Variants in IL17RB observed in about 807,000 individuals in gnomAD.
IL17RB encodes the protein interleukin-17 receptor B.
A neutral mutation model predicts 43.9 loss-of-function variants in IL17RB; 36 were observed. The observed-to-expected ratio is 0.82, with a 90% confidence interval of 0.63 to 1.08. IL17RB has a LOEUF of 1.08. Among genes scored for constraint, IL17RB ranks in the 50% least tolerant of loss-of-function variants. The pLI, the probability that IL17RB is intolerant of heterozygous loss-of-function variation, is 0.00. For missense variants in IL17RB, 613 were observed against 613.6 expected, an observed-to-expected ratio of 1.00 and a Z score of 0.01; for synonymous variants, 225 against 225.4, an observed-to-expected ratio of 1.00 and a Z score of 0.02.
rs375141109 is a variant in IL17RB at position 53,846,593 on chromosome 3, C to G, written c.5C>G (p.Ser2Trp). 5.7e-6 allele frequency: 9 copies of G among 1,584,412 alleles called. No individual in the cohort carries two copies. The highest frequency in any genetic ancestry group is 6.8e-6 in the Non-Finnish European group (8 of 1,169,976). The change falls in exon 1 of 11, where the codon TCG (serine) becomes TGG (tryptophan). Residue 2 changes from serine to tryptophan, a missense_variant. Ser to Trp is a radical substitution (Grantham distance 177). Coordinates refer to ENST00000288167, the MANE Select transcript of IL17RB (RefSeq NM_018725.4). ...ATCCCGCGCAGTGGCCCGGCGATGT[C>G]GCTCGTGCTGCTAAGCCTGGCCGCG... is the stretch of plus-strand genomic sequence containing the variant. M[S>W]LVLLSLAALC... is the part of the protein sequence containing the mutation.
At chr3:53,856,640 C>A (rs1348198324) in intron 6 of IL17RB, among the ~76,000 whole-genome samples, 2 of 152,162 alleles carry the variant, frequency 1.3e-5, no homozygotes, top group Non-Finnish European at 2.9e-5. Flanking sequence ...AGCAAAGCAG[C>A]GATGTACGGA....
In IL17RB at chr3:53,855,355, G is replaced by A; in HGVS notation, c.529+14G>A. The A allele has an allele frequency of 1.3e-6, 2 of 1,569,686 alleles. No homozygotes were observed. The highest frequency in any genetic ancestry group is 1.8e-6 in the Non-Finnish European group (2 of 1,141,528). ...GTGTCAAGGCCGGTAAGTAAATACGGCATTTGCTTTTATTATTTGAAGAAA... is the reference window on the plus strand; with the variant it reads ...GTGTCAAGGCCGGTAAGTAAATACGACATTTGCTTTTATTATTTGAAGAAA... On this transcript the variant is annotated intron_variant, in intron 6 of 10. Transcript: ENST00000288167.
intron 1 of IL17RB, 120 bp downstream of exon 1, chr3:53,846,768 C>T (rs1024492564): frequency 3.0e-6 from 3 of 989,998 alleles, no homozygotes; most frequent in Non-Finnish European, 4.3e-6. Context: ...GCTCAAGGGG[C>T]ATGCCTGCAC....
At chr3:53,847,131 C>G (rs1429664917) in intron 1 of IL17RB, among the ~76,000 whole-genome samples, 2 of 152,138 alleles carry the variant, frequency 1.3e-5, no homozygotes, top group Non-Finnish European at 2.9e-5. Context: ...TCCCCAGTAC[C>G]CTGAATGATC....
chr3:53,857,964 G>A (rs1699407200), intron 8 of IL17RB: 1 of 421,684 alleles, frequency 2.4e-6, no homozygotes, highest in Non-Finnish European at 4.4e-6. Context: ...CTCAGGGATA[G>A]CAGTACCATT....
chr3:53,850,225 G>A (rs1321761360), intron 3 of IL17RB, among the ~76,000 whole-genome samples: 2 of 152,214 alleles, frequency 1.3e-5, no homozygotes, highest in East Asian at 1.9e-4. Context: ...AGCCAGGAGC[G>A]GTGGCTAACG....
intron 8 of IL17RB, chr3:53,858,117 G>A (rs1422598975): frequency 1.0e-5 from 2 of 192,690 alleles, no homozygotes; most frequent in Non-Finnish European, 2.2e-5. Context: ...AACACAGGAA[G>A]TTGGAGCAGT....
chr3:53,852,173 G>C, intron 4 of IL17RB, 47 bp downstream of exon 4: 1 of 1,569,206 alleles, frequency 6.4e-7, no homozygotes, highest in Non-Finnish European at 8.7e-7. Context: ...ATAGCATCTT[G>C]TTCTGTCACC....
rs997534051 is a variant in IL17RB at position 53,864,408 on chromosome 3, G to A, written c.947-338G>A. Among the ~76,000 whole-genome samples, 151 of 152,188 alleles carry A rather than the reference G, an allele frequency of 9.9e-4. 2 individuals are homozygous for A. The highest frequency in any genetic ancestry group is 3.9e-4 in the East Asian group (2 of 5,148). On this transcript the variant is annotated intron_variant, in intron 10 of 10. Transcript: ENST00000288167. Reference sequence around the variant, plus strand: ...AAATTAGCCAGGCGTGGTGGCGGGCGCCTGTAGTCCCAGCTACTCGGGAGG... The same window carrying A: ...AAATTAGCCAGGCGTGGTGGCGGGCACCTGTAGTCCCAGCTACTCGGGAGG...
intron 1 of IL17RB, among the ~76,000 whole-genome samples, chr3:53,847,751 CGCCACTGTACTCCA>C (rs886811015): frequency 1.3e-5 from 2 of 152,010 alleles, no homozygotes; most frequent in African/African-American, 4.8e-5. Flanking sequence ...CCGAGATCTG[CGCCACTGTACTCCA>C]GCCTGGGTGA....
chr3:53,856,761 T>A, intron 6 of IL17RB, 83 bp from the exon 7 acceptor site: 1 of 1,402,082 alleles, frequency 7.1e-7, no homozygotes, highest in Non-Finnish European at 1.0e-6. Context: ...AGAACTTGGG[T>A]TTGTTTCCAT....
Position 53,849,776 on chromosome 3 carries a change from C to G in IL17RB, c.207C>G (p.Ser69Arg). The G allele has an allele frequency of 6.2e-7, 1 of 1,605,070 alleles. No individual in the cohort carries two copies. Among genetic ancestry groups the G allele is most frequent in the Non-Finnish European group, 8.5e-7 (1 of 1,174,416 alleles). Residue 69 changes from serine to arginine, a missense_variant, in exon 3 of 11, where the codon AGC (serine) becomes AGG (arginine). Ser to Arg is a moderately radical substitution (Grantham distance 110). Transcript: ENST00000288167. ...ACTATTCAATTTTGATGAATGTAAG[C>G]TGGGTACTCCGGGCAGATGGTAAGT... The part of the protein sequence containing the change: ...TGDYSILMNV[S>R]WVLRADASIR...
rs570150353 is a variant in IL17RB, at chr3:53,850,820, TA to T, written c.226+1029del. 7.8e-3 allele frequency among the ~76,000 whole-genome samples: 1,175 copies of T among 149,750 alleles called. 18 individuals carry two copies. Among genetic ancestry groups the T allele is most frequent in the African/African-American group, 0.028 (1,115 of 39,390 alleles). On this transcript the variant is annotated intron_variant, in intron 3 of 10. Transcript: ENST00000288167. ...TGTCTCAAAATAAAATAAAATAAAATAAAATAAAAGTCAGGGTAGTGGTTCC... is the reference window on the plus strand; with the variant it reads ...TGTCTCAAAATAAAATAAAATAAAATAAATAAAAGTCAGGGTAGTGGTTCC...
intron 3 of IL17RB, among the ~76,000 whole-genome samples, chr3:53,851,051 C>T (rs575864263): frequency 1.3e-5 from 2 of 152,284 alleles, no homozygotes; most frequent in Admixed American, 6.5e-5. Flanking sequence ...AAAGCACTGG[C>T]TTAGATAGAT....
chr3:53,859,583 T>C (rs1699483287), intron 9 of IL17RB: 1 of 152,650 alleles, frequency 6.6e-6, no homozygotes, highest in South Asian at 2.1e-4. Context: ...AAATGTCATC[T>C]ATATGTGCTA....
rs149485182 is a variant in IL17RB at position 53,856,982 on chromosome 3, T to C, written c.668T>C (p.Phe223Ser). Reference protein sequence around the residue: ...HSTIIGFSQVFEPHQKKQTRA... With the variant: ...HSTIIGFSQVSEPHQKKQTRA... ...ACTATCATCGGGTTTTCTCAGGTGT[T>C]TGAGGTACTTTTTCTCTTCGTCCCC... The change falls in exon 7 of 11, where the codon TTT becomes TCT. Residue 223 changes from phenylalanine (F) to serine (S), a missense_variant. Transcript: ENST00000288167. The C allele has an allele frequency of 4.3e-6, 7 of 1,613,782 alleles. No homozygotes were observed. Among genetic ancestry groups the C allele is most frequent in the Middle Eastern group, 1.7e-4 (1 of 5,858 alleles).
chr3:53,857,072 T>TA, intron 7 of IL17RB, 86 bp downstream of exon 7: 1 of 1,377,440 alleles, frequency 7.3e-7, no homozygotes, highest in Non-Finnish European at 1.0e-6. Context: ...TGTCCAAACG[T>TA]GCTGGGCTAC....
chr3:53,863,031 CCTTT>C (rs1246096919), intron 10 of IL17RB, among the ~76,000 whole-genome samples: 2 of 152,156 alleles, frequency 1.3e-5, no homozygotes, highest in Non-Finnish European at 2.9e-5. Context: ...AGAATAAAGA[CCTTT>C]CTGATGGTCC....
chr3:53,858,930 G>T, intron 9 of IL17RB, 112 bp downstream of exon 9: 1 of 772,562 alleles, frequency 1.3e-6, no homozygotes. Flanking sequence ...AGGGGTCGCT[G>T]CCTGTGTACA....
Sources: allele counts gnomAD v4.1 joint callset (sites outside exome capture counted in the v4.1 genomes callset), GRCh38; gene constraint gnomAD v4.1.1; transcripts MANE v1.5; gene names NCBI Gene and HGNC (gene_info 2026-07-23, HGNC 2026-07-21).